Variants in TRIM55 observed in about 807,000 individuals in gnomAD.
TRIM55 encodes the protein tripartite motif containing 55, also known as tripartite motif-containing protein 55.
In TRIM55, 50 loss-of-function variants were observed where a neutral mutation model predicts 60.9. The ratio of observed to expected loss-of-function variants is 0.82; its 90% CI spans 0.65 to 1.04. The LOEUF is 1.04. TRIM55 is among the 50% of genes least tolerant of loss of function. The probability of loss-of-function intolerance (pLI) is 0.00; values close to 1 mark genes in which losing one functional copy is unlikely to be tolerated. For missense variants in TRIM55, 681 were observed against 666.9 expected, an observed-to-expected ratio of 1.02 and a Z score of -0.23; for synonymous variants, 237 against 238.1, an observed-to-expected ratio of 1.00 and a Z score of 0.04.
upstream of TRIM55, among the ~76,000 whole-genome samples, chr8:66,126,274 A>G (rs185476752): frequency 5.4e-4 from 83 of 152,390 alleles, no homozygotes; most frequent in African/African-American, 1.9e-3. Flanking sequence ...GGTGCCTGCC[A>G]GTTACTACCT....
At chr8:66,121,398 G>A in the TRIM55 span, among the ~76,000 whole-genome samples, 1 of 152,224 alleles carries the variant, frequency 6.6e-6, no homozygotes, top group African/African-American at 2.4e-5. Flanking sequence ...AGTGGGGGTG[G>A]AAGTGGGGCA....
At chr8:66,122,023 C>A (rs1808651759), upstream of TRIM55, among the ~76,000 whole-genome samples, 1 of 152,118 alleles carries the variant, frequency 6.6e-6, no homozygotes, top group Non-Finnish European at 1.5e-5. Flanking sequence ...GCAGAGCACT[C>A]CCTCCTGTGT....
intron 9 of TRIM55, among the ~76,000 whole-genome samples, chr8:66,156,524 C>A (rs1810749396): frequency 6.6e-6 from 1 of 152,068 alleles, no homozygotes; most frequent in Non-Finnish European, 1.5e-5. Flanking sequence ...CTTTAATACC[C>A]TTTTGAAAGT....
At chr8:66,114,089 C>G in the TRIM55 span, among the ~76,000 whole-genome samples, 1 of 135,602 alleles carries the variant, frequency 7.4e-6, no homozygotes, top group Non-Finnish European at 1.6e-5. Context: ...GACACCCCCC[C>G]CCCCATTATT....
At chr8:66,128,527 T>C in intron 2 of TRIM55, 51 bp downstream of exon 2, 1 of 1,572,906 alleles carries the variant, frequency 6.4e-7, no homozygotes, top group South Asian at 1.2e-5. Flanking sequence ...AACTTGTTTT[T>C]GTTTGTTTGT....
At chr8:66,155,285 G>A (rs1463517714) in intron 9 of TRIM55, among the ~76,000 whole-genome samples, 1 of 152,202 alleles carries the variant, frequency 6.6e-6, no homozygotes, top group African/African-American at 2.4e-5. Context: ...GTAGTAAAAG[G>A]AAATGATTTT....
At chr8:66,115,666 T>A in the TRIM55 span, among the ~76,000 whole-genome samples, 5 of 152,100 alleles carry the variant, frequency 3.3e-5, no homozygotes, top group Non-Finnish European at 7.3e-5. Context: ...AAGGTACAAA[T>A]CAGGAAGCAG....
chr8:66,146,732 G>C (rs1047717292), intron 4 of TRIM55, among the ~76,000 whole-genome samples: 2 of 152,228 alleles, frequency 1.3e-5, no homozygotes, highest in African/African-American at 4.8e-5. Context: ...CAGTGAAAGA[G>C]AGTTTGATTG....
At chr8:66,138,502 G>T (rs1272095614) in intron 4 of TRIM55, among the ~76,000 whole-genome samples, 1 of 152,148 alleles carries the variant, frequency 6.6e-6, no homozygotes, top group African/African-American at 2.4e-5. Context: ...CGATTCTCCT[G>T]CCTCAGCCTC....
chr8:66,152,243 G>A, intron 7 of TRIM55, 134 bp from the exon 8 acceptor site: 2 of 1,232,688 alleles, frequency 1.6e-6, no homozygotes, highest in Non-Finnish European at 2.2e-6. Context: ...GGCACACTTG[G>A]ACCATTGTCA....
In TRIM55 at chr8:66,128,286, C is replaced by A; in HGVS notation, c.169-18C>A. On this transcript the variant is annotated intron_variant, in intron 1 of 9. Coordinates refer to ENST00000315962, the MANE Select transcript of TRIM55 (RefSeq NM_184085.2). ...TGTGGCATTACCCAATTCCTTTTTT[C>A]TTACTTGGCAAGAACAGGCCTCTAA... 6.4e-7 allele frequency: 1 copy of A among 1,554,732 alleles called. No homozygotes were observed. The highest frequency in any genetic ancestry group is 1.2e-5 in the South Asian group (1 of 83,360).
intron 4 of TRIM55, among the ~76,000 whole-genome samples, chr8:66,146,182 A>G (rs1330378226): frequency 2.6e-5 from 4 of 152,252 alleles, no homozygotes; most frequent in Admixed American, 6.5e-5. Context: ...ATTTAATGAT[A>G]TAATAATTTT....
chr8:66,163,651 C>G (rs1280231235), intron 9 of TRIM55, among the ~76,000 whole-genome samples: 1 of 152,144 alleles, frequency 6.6e-6, no homozygotes, highest in Non-Finnish European at 1.5e-5. Flanking sequence ...TTATATGTTT[C>G]CAATCTTTTT....
the TRIM55 span, among the ~76,000 whole-genome samples, chr8:66,121,547 A>G: frequency 2.0e-4 from 30 of 152,224 alleles, no homozygotes; most frequent in Non-Finnish European, 4.1e-4. Flanking sequence ...CTGTCACCCA[A>G]CTGGGTGTCT....
At chr8:66,166,621 G>A (rs1009127137) in intron 9 of TRIM55, among the ~76,000 whole-genome samples, 1 of 152,212 alleles carries the variant, frequency 6.6e-6, no homozygotes, top group East Asian at 1.9e-4. Context: ...CATCTACAAA[G>A]TCTTTCATAA....
At chr8:66,152,258 T>A in intron 7 of TRIM55, 119 bp from the exon 8 acceptor site, 1 of 1,360,254 alleles carries the variant, frequency 7.4e-7, no homozygotes, top group Non-Finnish European at 9.7e-7. Flanking sequence ...TTGTCAAGTG[T>A]CTGTCAGAGA....
chr8:66,123,408 C>G (rs1354680946), upstream of TRIM55, among the ~76,000 whole-genome samples: 3 of 152,206 alleles, frequency 2.0e-5, no homozygotes, highest in Non-Finnish European at 4.4e-5. Context: ...CAGAGTAAAT[C>G]TTTTCAAATA....
At chr8:66,171,368 G>A (rs558824751) in intron 9 of TRIM55, among the ~76,000 whole-genome samples, 1 of 152,116 alleles carries the variant, frequency 6.6e-6, no homozygotes, top group East Asian at 1.9e-4. Flanking sequence ...TTCTGTGTTA[G>A]TTTGCTAAGG....
Position 66,127,442 on chromosome 8 carries a change from T to C in TRIM55, c.168+6T>C. ...GTGCCAGTGATATTTTCCAGGTAGG[T>C]TTGTTTGGAATTTGGTTGAGGGGAG... On this transcript the variant is annotated splice_donor_region_variant and intron_variant, in intron 1 of 9. Transcript: ENST00000315962. The C allele has an allele frequency of 1.2e-6, 2 of 1,613,876 alleles. No individual in the cohort carries two copies. Among genetic ancestry groups the C allele is most frequent in the African/African-American group, 2.7e-5 (2 of 74,998 alleles).
Sources: gnomAD v4.1 joint callset for allele counts (sites outside exome capture counted in the v4.1 genomes callset) on GRCh38, gnomAD v4.1.1 for gene constraint, MANE v1.5 for transcripts, NCBI Gene and HGNC (gene_info 2026-07-23, HGNC 2026-07-21) for gene names.